Variants in ZFR2 observed in about 807,000 individuals in gnomAD.
The protein encoded by ZFR2 is zinc finger RNA binding protein 2, also known as zinc finger RNA-binding protein 2.
In ZFR2, 104 loss-of-function variants were observed where a neutral mutation model predicts 105.7. The ratio of observed to expected loss-of-function variants is 0.98; its 90% confidence interval spans 0.84 to 1.16. The LOEUF (loss-of-function observed/expected upper bound fraction) is 1.16, where lower values mean the gene tolerates loss of function less well. Ranked by LOEUF, ZFR2 falls within the 50% of genes most tolerant of loss-of-function variation. The pLI is 0.00. For synonymous variants in ZFR2, 634 were observed against 597.7 expected (o/e 1.06, Z -0.89); for missense variants, 1,425 against 1,355.5 (o/e 1.05, Z -0.80).
At chr19:3,821,696 C>T (rs2037895582) in intron 9 of ZFR2, among the ~76,000 whole-genome samples, 2 of 150,076 alleles carry the variant, frequency 1.3e-5, no homozygotes, top group African/African-American at 4.9e-5. Flanking sequence ...TCACTGCAAC[C>T]TCCGCCTCCC....
rs768108063 is a variant in ZFR2 at position 3,845,458 on chromosome 19, T to C, written c.54-10475A>G. On this transcript the variant is annotated intron_variant, in intron 1 of 18. Coordinates refer to ENST00000262961, the MANE Select transcript of ZFR2 (RefSeq NM_015174.2). ...GCAACATAGTGCTACCCTATCTCTATTAAAGAAGAAAATTTCAAAAAAAGA... is the reference window on the plus strand; with the variant it reads ...GCAACATAGTGCTACCCTATCTCTACTAAAGAAGAAAATTTCAAAAAAAGA... Among the ~76,000 whole-genome samples, 25 of 142,172 alleles carry C rather than the reference T, an allele frequency of 1.8e-4. 1 individual carries two copies. Among genetic ancestry groups the C allele is most frequent in the South Asian group, 9.1e-4 (4 of 4,416 alleles). The allele number at this position is 142,172 out of a possible 152,430, so 93.3% of individuals were successfully genotyped here.
At chr19:3,811,407 T>C in intron 14 of ZFR2, 41 bp from the exon 15 acceptor site, 1 of 1,533,694 alleles carries the variant, frequency 6.5e-7, no homozygotes, top group South Asian at 1.2e-5. Context: ...GGAAGGTGCC[T>C]CGTCCCGCTC....
At position 3,821,328 on chromosome 19, in the gene ZFR2, G is replaced by T. The variant is rs1202059149; in HGVS notation, c.1631+12C>A. 1.5e-5 allele frequency: 24 copies of T among 1,571,302 alleles called. No individual in the cohort carries two copies. The highest frequency in any genetic ancestry group is 2.1e-5 in the Non-Finnish European group (24 of 1,163,118). On this transcript the variant is annotated intron_variant, in intron 10 of 18. Coordinates refer to ENST00000262961, the MANE Select transcript of ZFR2 (RefSeq NM_015174.2). ...TCACCAGGCCCCCTTGCCAAGACCC[G>T]CAGCCGGGCACCTCCTCTCCGCGTG...
chr19:3,807,262 G>C lies in ZFR2; in HGVS notation c.2553C>G (p.Pro851=), dbSNP rs369643029. The part of the protein sequence containing the change: ...VATGTLLTDG[P]GLQDPCERDQ... ...CTCTCTCGCAGGGATCCTGGAGCCC[G>C]GGCCCGTCTTTGTGACGGGGAGTGG... is the stretch of plus-strand genomic sequence containing the variant. Residue 851 remains proline (P), a synonymous_variant, in exon 18 of 19, where the codon CCC becomes CCG. Transcript: ENST00000262961. The C allele has an allele frequency of 6.4e-7, 1 of 1,555,688 alleles. No homozygotes were observed. Among genetic ancestry groups the C allele is most frequent in the Non-Finnish European group, 8.7e-7 (1 of 1,148,960 alleles).
intron 1 of ZFR2, among the ~76,000 whole-genome samples, chr19:3,849,259 G>C (rs1045844249): frequency 6.6e-6 from 1 of 152,218 alleles, no homozygotes; most frequent in Non-Finnish European, 1.5e-5. Context: ...GCAGGAACCT[G>C]TGGGGCTTTC....
chr19:3,820,124 C>T (rs1045978285), intron 11 of ZFR2, 58 bp downstream of exon 11: 39 of 1,516,982 alleles, frequency 2.6e-5, no homozygotes, highest in East Asian at 4.9e-5. Flanking sequence ...AGGAGGTGTC[C>T]GCTGCTCCGG....
intron 1 of ZFR2, among the ~76,000 whole-genome samples, chr19:3,845,781 A>T (rs1209409181): frequency 6.6e-6 from 1 of 152,066 alleles, no homozygotes; most frequent in Non-Finnish European, 1.5e-5. Context: ...GGAAACAGTG[A>T]GATCCTGTCT....
intron 5 of ZFR2, among the ~76,000 whole-genome samples, chr19:3,830,746 CAG>C (rs2038002937): frequency 6.7e-6 from 1 of 148,956 alleles, no homozygotes. Flanking sequence ...TTTGCAAAGA[CAG>C]AGCTCTAGGG....
intron 11 of ZFR2, 130 bp downstream of exon 11, chr19:3,820,052 G>C (rs3815185): frequency 0.38 from 331,994 of 868,822 alleles, 64,329 homozygotes; most frequent in East Asian, 0.45. Context: ...GAGGAGGCCT[G>C]GGCCATGGAG....
chr19:3,822,109 C>G lies in ZFR2; in HGVS notation c.1463G>C (p.Arg488Thr), dbSNP rs370882239. 70 of 1,608,984 alleles carry G rather than the reference C, an allele frequency of 4.4e-5. No individual in the cohort carries two copies. The highest frequency in any genetic ancestry group is 1.8e-4 in the East Asian group (8 of 44,648). The part of the protein sequence containing the change: ...NDLNAKDLHV[R>T]GRRHRLQYRK... ...GTACTGCAGCCGGTGCCGCCGCCCC[C>G]TCACGTGCAGGTCCTTCGCGTTAAG... is the stretch of plus-strand genomic sequence containing the variant. Residue 488 changes from arginine (R) to threonine (T), a missense_variant, in exon 9 of 19, where the codon AGG becomes ACG. By Grantham distance (71) the Arg-to-Thr change is moderately conservative (BLOSUM62 -1). Transcript: ENST00000262961.
At chr19:3,808,741 G>C in intron 17 of ZFR2, 131 bp downstream of exon 17, 1 of 722,896 alleles carries the variant, frequency 1.4e-6, no homozygotes, top group South Asian at 2.0e-5. Flanking sequence ...TGTGTGTGTT[G>C]TGGGCCGCAC....
chr19:3,811,405 C>A, intron 14 of ZFR2, 39 bp from the exon 15 acceptor site: 1 of 1,536,910 alleles, frequency 6.5e-7, no homozygotes, highest in Non-Finnish European at 8.8e-7. Flanking sequence ...GGGGAAGGTG[C>A]CTCGTCCCGC....
chr19:3,822,040 A>C, intron 9 of ZFR2, 41 bp downstream of exon 9: 1 of 1,556,892 alleles, frequency 6.4e-7, no homozygotes, highest in Non-Finnish European at 8.7e-7. Context: ...GGGCCCTAGC[A>C]CAGCCCGGAC....
intron 2 of ZFR2, 65 bp from the exon 3 acceptor site, chr19:3,833,843 G>T (rs2285959): frequency 7.9e-7 from 1 of 1,269,124 alleles, no homozygotes; most frequent in Non-Finnish European, 1.1e-6. Flanking sequence ...CGGTGGGTGC[G>T]ACGCGCCCTG....
Position 3,813,936 on chromosome 19 carries a change from T to G in ZFR2, c.2126A>C (p.Glu709Ala), listed in dbSNP as rs200141537. The G allele has an allele frequency of 3.7e-6, 6 of 1,613,884 alleles. No individual in the cohort carries two copies. In the Admixed American group the frequency reaches 5.0e-5, roughly 13 times the overall value. Residue 709 changes from glutamate to alanine, a missense_variant, in exon 14 of 19, where the codon GAG becomes GCG. By Grantham distance (107) the Glu-to-Ala change is moderately radical (BLOSUM62 -1). Transcript: ENST00000262961. The surrounding 1 kb of genome is among the most constrained non-coding windows in gnomAD (Gnocchi z 4.4). ...QLQMVTEDEY[E>A]VSSDPEANIV... ...GTTGGCTTCAGGGTCGGAGGAGACC[T>G]CATACTCATCCTCGGTCACCATCTG...
At chr19:3,832,030 C>T (rs1390404015) in intron 3 of ZFR2, among the ~76,000 whole-genome samples, 152 bp from the exon 4 acceptor site, 1 of 152,124 alleles carries the variant, frequency 6.6e-6, no homozygotes, top group Non-Finnish European at 1.5e-5. Flanking sequence ...GGCAGCGACT[C>T]GCAGGTTACC....
intron 1 of ZFR2, among the ~76,000 whole-genome samples, chr19:3,839,171 C>T (rs757988807): frequency 6.6e-6 from 1 of 152,056 alleles, no homozygotes; most frequent in Non-Finnish European, 1.5e-5. Context: ...TTCCACAGAT[C>T]GGCCACTGTG....
chr19:3,813,912 T>C lies in ZFR2; in HGVS notation c.2150A>G (p.Asn717Ser). ...EYEVSSDPEA[N>S]IVISSCEEPR... Reference sequence around the variant, plus strand: ...CTCCTCACAGGAGGAGATGACAATGTTGGCTTCAGGGTCGGAGGAGACCTC... The same window carrying C: ...CTCCTCACAGGAGGAGATGACAATGCTGGCTTCAGGGTCGGAGGAGACCTC... The change falls in exon 14 of 19, where the codon AAC (asparagine) becomes AGC (serine). Residue 717 changes from asparagine to serine, a missense_variant. Physicochemically the swap from Asn to Ser is conservative, Grantham distance 46. Transcript: ENST00000262961. This position sits in a 1 kb window ranked among gnomAD's most constrained non-coding sequence, Gnocchi z 4.4. The C allele has an allele frequency of 6.2e-7, 1 of 1,613,976 alleles. No homozygotes were observed. Among genetic ancestry groups the C allele is most frequent in the Non-Finnish European group, 8.5e-7 (1 of 1,179,892 alleles).
At chr19:3,828,523 T>C (rs569363934) in intron 5 of ZFR2, among the ~76,000 whole-genome samples, 3 of 152,286 alleles carry the variant, frequency 2.0e-5, no homozygotes, top group African/African-American at 7.2e-5. Flanking sequence ...GCCCGAAGGA[T>C]AGTCACGTAC....
Sources: allele counts gnomAD v4.1 joint callset (sites outside exome capture counted in the v4.1 genomes callset), GRCh38; gene constraint gnomAD v4.1.1; non-coding constraint Gnocchi (gnomAD v3.1); transcripts MANE v1.5; gene names NCBI Gene and HGNC (gene_info 2026-07-23, HGNC 2026-07-21).